The following MYT1L variants were observed in gnomAD, a reference collection of about 807,000 sequenced individuals.
MYT1L encodes myelin transcription factor 1-like protein.
MYT1L carries 12 observed loss-of-function variants against 126.7 expected under a neutral mutation model. The ratio of observed to expected loss-of-function variants is 0.09; its 90% CI spans 0.06 to 0.15. MYT1L has a LOEUF of 0.15. MYT1L is among the 10% of genes least tolerant of loss of function. The pLI, the probability that MYT1L is intolerant of heterozygous loss-of-function variation, is 1.00. For missense variants in MYT1L, 979 were observed against 1,585.2 expected (o/e 0.62, Z 6.49); for synonymous variants, 541 against 604.2 (o/e 0.90, Z 1.53).
At chr2:2,036,542 A>T (rs2066872716) in intron 4 of MYT1L, among the ~76,000 whole-genome samples, 1 of 152,196 alleles carries the variant, frequency 6.6e-6, no homozygotes, top group African/African-American at 2.4e-5. Context: ...CAGGCAATAG[A>T]ATCCCATCCA....
At chr2:2,001,889 G>T (rs1001956227) in intron 4 of MYT1L, among the ~76,000 whole-genome samples, 13 of 152,272 alleles carry the variant, frequency 8.5e-5, no homozygotes, top group Admixed American at 2.6e-4. Context: ...GTTACCTCCA[G>T]ATCCTCTTGC....
At position 2,142,487 on chromosome 2, in the gene MYT1L, G is replaced by A. The variant is rs1287770480; in HGVS notation, c.-304+30385C>T. Among the ~76,000 whole-genome samples the A allele has an allele frequency of 2.0e-5, 3 of 152,060 alleles. No individual in the cohort carries two copies. The East Asian group carries it at 5.8e-4, about 29-fold the overall frequency. On this transcript the variant is annotated intron_variant, in intron 3 of 24. Coordinates refer to ENST00000647738, the MANE Select transcript of MYT1L (RefSeq NM_001303052.2). ...GAATACCACCAGGATCTCTGCATAAGACCAACTCACCAGGCGTGAAGCGTC... is the reference window on the plus strand; with the variant it reads ...GAATACCACCAGGATCTCTGCATAAAACCAACTCACCAGGCGTGAAGCGTC...
At chr2:2,284,867 C>A (rs574424640) in intron 1 of MYT1L, among the ~76,000 whole-genome samples, 79 of 152,142 alleles carry the variant, frequency 5.2e-4, no homozygotes, top group African/African-American at 1.7e-3. Context: ...CCATGCCCAG[C>A]TGATTTTTTA....
intron 19 of MYT1L, chr2:1,841,518 C>T (rs2041711185): frequency 6.6e-6 from 1 of 152,286 alleles, no homozygotes; most frequent in East Asian, 1.9e-4. Context: ...TGTGTCCTCT[C>T]CAAGGCTCTA....
At chr2:2,263,424 CA>C (rs2095040431) in intron 2 of MYT1L, among the ~76,000 whole-genome samples, 1 of 152,100 alleles carries the variant, frequency 6.6e-6, no homozygotes, top group African/African-American at 2.4e-5. Context: ...AATTCCAATG[CA>C]TAAATCAATA....
rs574755624 is a variant in MYT1L at position 1,811,857 on chromosome 2, C to T, written c.3081-2690G>A. On this transcript the variant is annotated intron_variant, in intron 21 of 24. Transcript: ENST00000647738. This position sits in a 1 kb window ranked among gnomAD's most constrained non-coding sequence, Gnocchi z 4.4. ...CACCCTCCTGGGTCTTCTCCTGCCT[C>T]CCCATCAGATCCCAGCAGGACGCCC... is the stretch of plus-strand genomic sequence containing the variant. Among the ~76,000 whole-genome samples the T allele has an allele frequency of 6.6e-6, 1 of 152,278 alleles. No individual in the cohort carries two copies. Among genetic ancestry groups the T allele is most frequent in the East Asian group, 1.9e-4 (1 of 5,170 alleles).
chr2:2,032,628 CATCCT>C (rs2066464301), intron 4 of MYT1L, among the ~76,000 whole-genome samples: 1 of 140,672 alleles, frequency 7.1e-6, no homozygotes, highest in African/African-American at 2.7e-5. Flanking sequence ...AAGTGCCTCT[CATCCT>C]GTGGCCCAGA....
chr2:1,909,161 C>T (rs2051526463), intron 13 of MYT1L, among the ~76,000 whole-genome samples: 1 of 152,126 alleles, frequency 6.6e-6, no homozygotes, highest in African/African-American at 2.4e-5. Flanking sequence ...GCTCTGTCAT[C>T]TAGGCTAGAG....
intron 9 of MYT1L, among the ~76,000 whole-genome samples, chr2:1,933,998 G>A (rs1307871698): frequency 6.3e-5 from 8 of 127,406 alleles, no homozygotes; most frequent in African/African-American, 1.8e-4. Flanking sequence ...TTTTTGAGAT[G>A]GAGTCTTGCT....
intron 18 of MYT1L, among the ~76,000 whole-genome samples, chr2:1,884,456 C>T (rs1406322330): frequency 6.6e-6 from 1 of 152,040 alleles, no homozygotes; most frequent in Admixed American, 6.5e-5. Flanking sequence ...CTTGCTGACC[C>T]AGATCCAACA....
chr2:1,873,522 T>C (rs1162874636), intron 18 of MYT1L, among the ~76,000 whole-genome samples: 3 of 152,200 alleles, frequency 2.0e-5, no homozygotes, highest in Non-Finnish European at 4.4e-5. Context: ...GCACATGGCA[T>C]TGTAATTGCT....
intron 9 of MYT1L, among the ~76,000 whole-genome samples, chr2:1,927,108 C>T (rs2149138618): frequency 6.6e-6 from 1 of 152,316 alleles, no homozygotes; most frequent in African/African-American, 2.4e-5. Context: ...CAGCCTGGGG[C>T]TGACCGCTGG....
chr2:2,163,310 A>C (rs1025224136), intron 3 of MYT1L, among the ~76,000 whole-genome samples: 1 of 152,196 alleles, frequency 6.6e-6, no homozygotes, highest in Non-Finnish European at 1.5e-5. Flanking sequence ...TACCTGCCTC[A>C]GTTATACTTA....
intron 3 of MYT1L, among the ~76,000 whole-genome samples, chr2:2,134,009 C>T (rs1017947567): frequency 1.3e-5 from 2 of 152,204 alleles, no homozygotes; most frequent in Non-Finnish European, 2.9e-5. Flanking sequence ...GCCATTTTCA[C>T]CTCTTCTAGT....
chr2:1,977,772 A>G (rs577535654), intron 8 of MYT1L, among the ~76,000 whole-genome samples: 7 of 152,346 alleles, frequency 4.6e-5, no homozygotes, highest in Admixed American at 3.3e-4. Flanking sequence ...AGAGATGATT[A>G]GGGGAAAATG....
At position 2,196,256 on chromosome 2, in the gene MYT1L, A is replaced by G. The variant is rs528280055; in HGVS notation, c.-420-23268T>C. On this transcript the variant is annotated intron_variant, in intron 2 of 24. Transcript: ENST00000647738. ...TAAAGTGATTGCCTATGTGGGTGAAAAAAAAATCCTTAAAAATGAAGGTAA... is the reference window on the plus strand; with the variant it reads ...TAAAGTGATTGCCTATGTGGGTGAAGAAAAAATCCTTAAAAATGAAGGTAA... Among the ~76,000 whole-genome samples, 4 of 152,182 alleles carry G rather than the reference A, an allele frequency of 2.6e-5. No individual in the cohort carries two copies. The South Asian group carries it at 8.3e-4, about 32-fold the overall frequency.
intron 23 of MYT1L, among the ~76,000 whole-genome samples, chr2:1,799,714 A>G (rs1341789973): frequency 2.6e-5 from 4 of 152,210 alleles, no homozygotes; most frequent in Non-Finnish European, 5.9e-5. Context: ...TCATAAACAG[A>G]ATACAACTTG....
At chr2:2,091,356 A>T (rs756899157) in intron 3 of MYT1L, among the ~76,000 whole-genome samples, 3 of 152,218 alleles carry the variant, frequency 2.0e-5, no homozygotes, top group Non-Finnish European at 4.4e-5. Context: ...AATAAGCAGT[A>T]ATATTTTGAA....
At chr2:2,068,096 C>T (rs562339229) in intron 3 of MYT1L, among the ~76,000 whole-genome samples, 5 of 152,156 alleles carry the variant, frequency 3.3e-5, no homozygotes, top group South Asian at 2.1e-4. Flanking sequence ...CCTGCTCACA[C>T]GTGAAAGAAC....
Sources: gnomAD v4.1 joint callset for allele counts (sites outside exome capture counted in the v4.1 genomes callset) on GRCh38, gnomAD v4.1.1 for gene constraint, Gnocchi (gnomAD v3.1) non-coding constraint, MANE v1.5 for transcripts, NCBI Gene and HGNC (gene_info 2026-07-23, HGNC 2026-07-21) for gene names.